The following DIP2A variants were observed in gnomAD, a reference collection of about 807,000 sequenced individuals.
DIP2A encodes DIP2 acetate--CoA ligase A.
DIP2A carries 85 observed loss-of-function variants against 177.4 expected under a neutral mutation model. The ratio of observed to expected loss-of-function variants is 0.48; its 90% CI spans 0.40 to 0.57. The LOEUF (loss-of-function observed/expected upper bound fraction) is 0.57, where lower values mean the gene tolerates loss of function less well. DIP2A is among the 20% of genes least tolerant of loss of function. DIP2A has a pLI of 0.00. For synonymous variants in DIP2A, 886 were observed against 881.8 expected (o/e 1.00, Z -0.08); for missense variants, 1,791 against 2,100.2 (o/e 0.85, Z 2.88).
intron 2 of DIP2A, among the ~76,000 whole-genome samples, chr21:46,489,757 G>T (rs2056900312): frequency 6.6e-6 from 1 of 152,196 alleles, no homozygotes; most frequent in African/African-American, 2.4e-5. Flanking sequence ...GCATATTTTT[G>T]TTGAAGCACA....
At chr21:46,493,935 C>T (rs1252190118) in intron 3 of DIP2A, among the ~76,000 whole-genome samples, 1 of 152,218 alleles carries the variant, frequency 6.6e-6, no homozygotes, top group Non-Finnish European at 1.5e-5. Context: ...AATCTATACT[C>T]TACCTGCTTC....
chr21:46,503,812 G>A (rs1166069045), intron 5 of DIP2A, among the ~76,000 whole-genome samples: 1 of 151,660 alleles, frequency 6.6e-6, no homozygotes, highest in Non-Finnish European at 1.5e-5. Context: ...TGCAACCTCC[G>A]CCTCCTGGGT....
In DIP2A at chr21:46,464,657, G is replaced by GGAA. The variant is rs1018429875; in HGVS notation, c.91+5437_91+5439dup. On this transcript the variant is annotated intron_variant, in intron 1 of 37. Transcript: ENST00000417564. Reference sequence around the variant, plus strand: ...GGCAAGAGAATGTGTGGACGAGAGAGGAAGGGGGCCAAAATCATCCTTTTG... The same window carrying GGAA: ...GGCAAGAGAATGTGTGGACGAGAGAGGAAGAAGGGGGCCAAAATCATCCTTTTG... Among the ~76,000 whole-genome samples, 81 of 152,236 alleles carry GGAA rather than the reference G, an allele frequency of 5.3e-4. 1 individual carries two copies. The highest frequency in any genetic ancestry group is 1.2e-3 in the Admixed American group (18 of 15,278).
rs73152865 is a variant in DIP2A at position 46,551,167 on chromosome 21, A to G, written c.2839+423A>G. 1.5e-3 allele frequency among the ~76,000 whole-genome samples: 230 copies of G among 152,232 alleles called. 1 individual carries two copies. Among genetic ancestry groups the G allele is most frequent in the Non-Finnish European group, 2.5e-3 (170 of 68,004 alleles). On this transcript the variant is annotated intron_variant, in intron 23 of 37. Coordinates refer to ENST00000417564, the MANE Select transcript of DIP2A (RefSeq NM_015151.4). ...GCAAACGGCCAACTTGCCTTCCCTCATTTTATACATTTAAAAGCTAATTTT... is the reference window on the plus strand; with the variant it reads ...GCAAACGGCCAACTTGCCTTCCCTCGTTTTATACATTTAAAAGCTAATTTT...
intron 19 of DIP2A, 129 bp downstream of exon 19, chr21:46,545,402 G>C: frequency 6.1e-6 from 7 of 1,148,116 alleles, no homozygotes; most frequent in Non-Finnish European, 8.6e-6. Flanking sequence ...GGCGCTGCTG[G>C]GGCTGTTGGC....
intron 19 of DIP2A, among the ~76,000 whole-genome samples, chr21:46,545,667 A>G (rs1204339877): frequency 6.6e-6 from 1 of 152,228 alleles, no homozygotes; most frequent in Non-Finnish European, 1.5e-5. Context: ...CCCAGAGCAG[A>G]GGTAAAAGGG....
chr21:46,576,909 T>G, the DIP2A span, among the ~76,000 whole-genome samples: 2 of 152,232 alleles, frequency 1.3e-5, 1 homozygote, highest in South Asian at 4.1e-4. Context: ...ATATATTTGT[T>G]GGCCGCATGA....
chr21:46,569,768 A>AT lies in DIP2A; in HGVS notation c.*2150dup, dbSNP rs1465878413. Reference sequence around the variant, plus strand: ...AATTACCCCGAATAGGTTGTATCTTATTTTGCTTTTTTTCTGACTATAAAA... The same window carrying AT: ...AATTACCCCGAATAGGTTGTATCTTATTTTTGCTTTTTTTCTGACTATAAAA... On this transcript the variant is annotated 3_prime_UTR_variant, in exon 38 of 38. Coordinates refer to ENST00000417564, the MANE Select transcript of DIP2A (RefSeq NM_015151.4). 1 of 147,892 alleles carries AT rather than the reference A, an allele frequency of 6.8e-6. No homozygotes were observed. The highest frequency in any genetic ancestry group is 1.5e-5 in the Non-Finnish European group (1 of 67,502). 9.2% of individuals were successfully genotyped at this position (147,892 alleles called of 1,614,324 possible).
At chr21:46,483,184 A>AT (rs2056462471) in intron 1 of DIP2A, among the ~76,000 whole-genome samples, 1 of 152,194 alleles carries the variant, frequency 6.6e-6, no homozygotes, top group Non-Finnish European at 1.5e-5. Context: ...GAAAATAGTG[A>AT]TTTATAATAT....
intron 32 of DIP2A, 89 bp downstream of exon 32, chr21:46,558,482 C>A: frequency 1.5e-6 from 2 of 1,322,180 alleles, no homozygotes; most frequent in Non-Finnish European, 2.1e-6. Flanking sequence ...CGTTTTGTAG[C>A]CGCCTGATCT....
At chr21:46,582,718 G>T in the DIP2A span, among the ~76,000 whole-genome samples, 1 of 152,080 alleles carries the variant, frequency 6.6e-6, no homozygotes, top group African/African-American at 2.4e-5. Context: ...ATTCTTCTCA[G>T]TGGGAGCCAC....
At chr21:46,560,315 G>A (rs977114677) in intron 32 of DIP2A, among the ~76,000 whole-genome samples, 1 of 152,210 alleles carries the variant, frequency 6.6e-6, no homozygotes. Flanking sequence ...AGTGAGTCTC[G>A]GCTGCGAGCA....
At chr21:46,509,404 C>T (rs1236690815) in intron 7 of DIP2A, 28 bp downstream of exon 7, 4 of 1,589,570 alleles carry the variant, frequency 2.5e-6, no homozygotes, top group Non-Finnish European at 3.4e-6. Context: ...TTGAGCTTTT[C>T]TGTTTGTATG....
chr21:46,476,690 A>G (rs201705572), intron 1 of DIP2A, among the ~76,000 whole-genome samples: 7 of 137,330 alleles, frequency 5.1e-5, no homozygotes, highest in Non-Finnish European at 9.2e-5. Context: ...GTCTCACTCT[A>G]TTGCCCAGGC....
intron 8 of DIP2A, among the ~76,000 whole-genome samples, chr21:46,526,581 G>A (rs979282996): frequency 6.6e-6 from 1 of 152,076 alleles, no homozygotes; most frequent in East Asian, 1.9e-4. Flanking sequence ...TTTTAGTAGA[G>A]ACAGGGTTTT....
chr21:46,549,687 G>A, intron 21 of DIP2A, 84 bp from the exon 22 acceptor site: 1 of 1,573,808 alleles, frequency 6.4e-7, no homozygotes, highest in Non-Finnish European at 8.6e-7. Flanking sequence ...AGGACAGTCT[G>A]CCTCTTCCAT....
chr21:46,482,844 C>T (rs201979173), intron 1 of DIP2A, among the ~76,000 whole-genome samples: 2 of 152,184 alleles, frequency 1.3e-5, no homozygotes, highest in East Asian at 3.9e-4. Context: ...AGCCATATTC[C>T]GTACCTCTGT....
chr21:46,471,703 C>G (rs2055399446), intron 1 of DIP2A, among the ~76,000 whole-genome samples: 1 of 152,200 alleles, frequency 6.6e-6, no homozygotes, highest in Non-Finnish European at 1.5e-5. Context: ...CTAATGTACC[C>G]AAGGGTCTCC....
At chr21:46,564,062 G>C (rs743350) in intron 35 of DIP2A, 130 bp downstream of exon 35, 88,941 of 1,062,200 alleles carry the variant, frequency 0.084, 4,798 homozygotes, top group African/African-American at 0.22. Context: ...TTTGGCCCTT[G>C]CCCCGTGTAC....
Sources: allele counts gnomAD v4.1 joint callset (sites outside exome capture counted in the v4.1 genomes callset), GRCh38; gene constraint gnomAD v4.1.1; transcripts MANE v1.5; gene names NCBI Gene and HGNC (gene_info 2026-07-23, HGNC 2026-07-21).